The following MAGI1 variants were observed in gnomAD, a reference collection of about 807,000 sequenced individuals.
MAGI1 encodes membrane-associated guanylate kinase, WW and PDZ domain-containing protein 1.
In MAGI1, 58 loss-of-function variants were observed where a neutral mutation model predicts 139.9. The observed-to-expected ratio is 0.41, with a 90% CI of 0.34 to 0.52. MAGI1 has a LOEUF of 0.52. Ranked by LOEUF, MAGI1 falls within the 20% of genes least tolerant of loss-of-function variation. MAGI1 has a pLI of 0.12. For synonymous variants in MAGI1, 812 were observed against 737.9 expected (o/e 1.10, Z -1.63); for missense variants, 1,874 against 1,901.6 (o/e 0.99, Z 0.27).
At chr3:65,579,925 T>C (rs1165731197) in intron 2 of MAGI1, among the ~76,000 whole-genome samples, 1 of 152,094 alleles carries the variant, frequency 6.6e-6, no homozygotes, top group Non-Finnish European at 1.5e-5. Context: ...ACTGGCACTC[T>C]TTTTTCATTA....
chr3:65,980,075 G>T (rs2065488623), intron 1 of MAGI1, among the ~76,000 whole-genome samples: 1 of 152,112 alleles, frequency 6.6e-6, no homozygotes, highest in African/African-American at 2.4e-5. Flanking sequence ...AGTGAACAGT[G>T]GTGGGATTAA....
At chr3:65,419,357 G>T (rs750512234) in intron 12 of MAGI1, among the ~76,000 whole-genome samples, 6 of 152,054 alleles carry the variant, frequency 3.9e-5, no homozygotes, top group Non-Finnish European at 5.9e-5. Context: ...TCATAAAAAA[G>T]GACTTATCTT....
intron 1 of MAGI1, among the ~76,000 whole-genome samples, chr3:65,900,084 C>T (rs1265757740): frequency 2.6e-5 from 4 of 152,142 alleles, no homozygotes; most frequent in Middle Eastern, 3.4e-3. Flanking sequence ...ATTACAATTA[C>T]CTGGACCCAA....
intron 1 of MAGI1, among the ~76,000 whole-genome samples, chr3:65,773,195 A>T (rs905853572): frequency 6.6e-6 from 1 of 152,224 alleles, no homozygotes; most frequent in African/African-American, 2.4e-5. Flanking sequence ...ATGTAGGAGT[A>T]ATATATTAAA....
intron 1 of MAGI1, among the ~76,000 whole-genome samples, chr3:65,646,900 A>G (rs1313742811): frequency 1.3e-5 from 2 of 152,140 alleles, no homozygotes; most frequent in African/African-American, 4.8e-5. Flanking sequence ...GCAGTGCTAA[A>G]GGGAAAATTT....
chr3:65,858,261 A>C (rs949057369), intron 1 of MAGI1, among the ~76,000 whole-genome samples: 12 of 152,230 alleles, frequency 7.9e-5, no homozygotes, highest in African/African-American at 2.9e-4. Flanking sequence ...CTCCATGTTG[A>C]CATAATATGG....
At chr3:66,003,366 G>T (rs926746048) in intron 1 of MAGI1, among the ~76,000 whole-genome samples, 2 of 152,080 alleles carry the variant, frequency 1.3e-5, no homozygotes, top group Admixed American at 1.3e-4. Context: ...GGTTAAAGAG[G>T]AGAGGCAGGA....
chr3:65,702,070 G>A (rs1304988085), intron 1 of MAGI1, among the ~76,000 whole-genome samples: 1 of 152,078 alleles, frequency 6.6e-6, no homozygotes, highest in Non-Finnish European at 1.5e-5. Context: ...ACTCTAGATG[G>A]AACATTTGCT....
chr3:65,494,141 T>C lies in MAGI1; in HGVS notation c.431-510A>G, dbSNP rs542959082. Among the ~76,000 whole-genome samples, 4 of 152,222 alleles carry C rather than the reference T, an allele frequency of 2.6e-5. No individual in the cohort carries two copies. In the East Asian group the frequency reaches 5.8e-4, roughly 22 times the overall value. Reference sequence around the variant, plus strand: ...GCATAAACACATCACCAGAGAAATATGATTGCCTGAGATCTGTGGTTGGAC... The same window carrying C: ...GCATAAACACATCACCAGAGAAATACGATTGCCTGAGATCTGTGGTTGGAC... On this transcript the variant is annotated intron_variant, in intron 2 of 22. Transcript: ENST00000402939.
intron 1 of MAGI1, among the ~76,000 whole-genome samples, chr3:66,021,654 C>T (rs1448166184): frequency 6.6e-6 from 1 of 152,146 alleles, no homozygotes; most frequent in East Asian, 1.9e-4. Context: ...AGAGTCCACA[C>T]CCCCAGGATT....
chr3:65,617,823 G>A (rs564208329), intron 2 of MAGI1, among the ~76,000 whole-genome samples: 4 of 152,296 alleles, frequency 2.6e-5, no homozygotes, highest in South Asian at 4.1e-4. Flanking sequence ...ATTTGTTCAT[G>A]CGTTCAACAA....
At chr3:65,698,951 G>A (rs1307804166) in intron 1 of MAGI1, among the ~76,000 whole-genome samples, 5 of 133,988 alleles carry the variant, frequency 3.7e-5, no homozygotes, top group Non-Finnish European at 7.9e-5. Flanking sequence ...CCTACAAAAT[G>A]GGAGAAAATT....
intron 13 of MAGI1, 68 bp downstream of exon 13, chr3:65,401,371 C>CG: frequency 7.6e-6 from 9 of 1,184,678 alleles, no homozygotes; most frequent in Non-Finnish European, 9.8e-6. Context: ...ACAGAGTACC[C>CG]TCCCACCTCC....
rs192796913 is a variant in MAGI1 at position 65,541,412 on chromosome 3, C to T, written c.431-47781G>A. 1.3e-3 allele frequency among the ~76,000 whole-genome samples: 193 copies of T among 152,322 alleles called. 1 individual carries two copies. The highest frequency in any genetic ancestry group is 4.5e-3 in the African/African-American group (189 of 41,568). On this transcript the variant is annotated intron_variant, in intron 2 of 22. Coordinates refer to ENST00000402939, the MANE Select transcript of MAGI1 (RefSeq NM_001033057.2). ...TAGAAAAAGAGGGACTCCTCCCTAA[C>T]TCATTTTATGAGGCCAGCATCATCC...
chr3:65,588,229 A>T (rs1176589238), intron 2 of MAGI1, among the ~76,000 whole-genome samples: 1 of 152,188 alleles, frequency 6.6e-6, no homozygotes, highest in Non-Finnish European at 1.5e-5. Context: ...ATAGCCTTCC[A>T]AGAATATAGA....
intron 1 of MAGI1, among the ~76,000 whole-genome samples, chr3:65,870,936 A>G (rs1019325067): frequency 3.3e-5 from 5 of 151,878 alleles, no homozygotes; most frequent in African/African-American, 4.8e-5. Flanking sequence ...ACATATAAAT[A>G]TAAGTACAAA....
intron 1 of MAGI1, chr3:65,872,756 C>T (rs1442654825): frequency 1.3e-5 from 2 of 152,202 alleles, no homozygotes; most frequent in African/African-American, 2.4e-5. Context: ...CTGACACACA[C>T]AACACAAGGG....
intron 12 of MAGI1, among the ~76,000 whole-genome samples, chr3:65,424,137 A>C (rs185327783): frequency 6.6e-6 from 1 of 152,308 alleles, no homozygotes; most frequent in East Asian, 1.9e-4. Flanking sequence ...ATGTATGTGT[A>C]TTGCATGTAT....
intron 18 of MAGI1, among the ~76,000 whole-genome samples, chr3:65,372,598 TCTAG>T (rs1423122994): frequency 2.6e-5 from 4 of 151,652 alleles, no homozygotes; most frequent in African/African-American, 9.8e-5. Flanking sequence ...ATGTCTCCTC[TCTAG>T]CTAGGAAAGT....
Sources: gnomAD v4.1 joint callset for allele counts (sites outside exome capture counted in the v4.1 genomes callset) on GRCh38, gnomAD v4.1.1 for gene constraint, MANE v1.5 for transcripts, NCBI Gene and HGNC (gene_info 2026-07-23, HGNC 2026-07-21) for gene names.